Variants in ARHGEF39 observed in about 807,000 individuals in gnomAD.
The protein encoded by ARHGEF39 is Rho guanine nucleotide exchange factor 39.
In ARHGEF39, 45 loss-of-function variants were observed where a neutral mutation model predicts 47.5. The observed-to-expected ratio is 0.95, with a 90% CI of 0.75 to 1.22. ARHGEF39 has a LOEUF of 1.22. Among genes scored for constraint, ARHGEF39 ranks in the 50% most tolerant of loss-of-function variants. The probability of loss-of-function intolerance (pLI) is 0.00; values close to 1 mark genes in which losing one functional copy is unlikely to be tolerated. For synonymous variants in ARHGEF39, 164 were observed against 167.8 expected (o/e 0.98, Z 0.17); for missense variants, 411 against 425.3 (o/e 0.97, Z 0.30).
chr9:35,665,066 C>T lies in ARHGEF39; in HGVS notation c.104G>A (p.Arg35Gln). The T allele has an allele frequency of 1.3e-6, 2 of 1,563,424 alleles. No homozygotes were observed. The highest frequency in any genetic ancestry group is 2.3e-5 in the South Asian group (2 of 85,562). ...CTARELLETERRYQEQLGLVA... is the reference protein window; with the variant it reads ...CTARELLETEQRYQEQLGLVA... ...CAGCCCCAGCTGTTCTTGGTAGCGC[C>T]GCTCGGTCTCTAGCAGCTCCCGGGC... The change falls in exon 1 of 9, where the codon CGG (arginine) becomes CAG (glutamine). Residue 35 changes from arginine (R) to glutamine (Q), a missense_variant. Arg to Gln is a conservative substitution (Grantham distance 43, BLOSUM62 1). Transcript: ENST00000378387.
At position 35,662,257 on chromosome 9, in the gene ARHGEF39, G is replaced by T; in HGVS notation, c.914C>A (p.Pro305His). ...PCGGLLSLSF[P>H]HEKLLLMSTD... ...GGACATAAGCAGTAGCTTCTCATGAGGGAAGGACAGCTAGAGAGAGACCAC... is the reference window on the plus strand; with the variant it reads ...GGACATAAGCAGTAGCTTCTCATGATGGAAGGACAGCTAGAGAGAGACCAC... Residue 305 changes from proline to histidine, a missense_variant, in exon 8 of 9, where the codon CCT (proline) becomes CAT (histidine). Coordinates refer to ENST00000378387, the MANE Select transcript of ARHGEF39 (RefSeq NM_032818.3). The T allele has an allele frequency of 6.2e-7, 1 of 1,613,954 alleles. No individual in the cohort carries two copies. The highest frequency in any genetic ancestry group is 8.5e-7 in the Non-Finnish European group (1 of 1,179,828).
In ARHGEF39 at chr9:35,661,868, A is replaced by G. The variant is rs1563914570; in HGVS notation, c.*119T>C. ...GGAGTAGCTTGGTCCAGGCAAACAGAAAGTGACCTTTGTCAAATCATGAAG... is the reference window on the plus strand; with the variant it reads ...GGAGTAGCTTGGTCCAGGCAAACAGGAAGTGACCTTTGTCAAATCATGAAG... On this transcript the variant is annotated 3_prime_UTR_variant, in exon 9 of 9. Transcript: ENST00000378387. 4.7e-6 allele frequency: 6 copies of G among 1,289,408 alleles called. No individual in the cohort carries two copies. Among genetic ancestry groups the G allele is most frequent in the Non-Finnish European group, 6.5e-6 (6 of 927,186 alleles). 79.9% of individuals were successfully genotyped at this position (1,289,408 alleles called of 1,614,324 possible).
chr9:35,665,050 C>A lies in ARHGEF39; in HGVS notation c.120G>T (p.Gln40His). The A allele has an allele frequency of 6.4e-7, 1 of 1,565,038 alleles. No homozygotes were observed. The highest frequency in any genetic ancestry group is 8.6e-7 in the Non-Finnish European group (1 of 1,156,504). ...CCCCCACCGTGGCCACCAGCCCCAGCTGTTCTTGGTAGCGCCGCTCGGTCT... is the reference window on the plus strand; with the variant it reads ...CCCCCACCGTGGCCACCAGCCCCAGATGTTCTTGGTAGCGCCGCTCGGTCT... ...LLETERRYQE[Q>H]LGLVATYFLG... The change falls in exon 1 of 9, where the codon CAG becomes CAT. Residue 40 changes from glutamine (Q) to histidine (H), a missense_variant. Gln to His is a conservative substitution (Grantham distance 24, BLOSUM62 0). Transcript: ENST00000378387.
intron 4 of ARHGEF39, 61 bp downstream of exon 4, chr9:35,663,947 C>T: frequency 6.5e-7 from 1 of 1,535,704 alleles, no homozygotes; most frequent in South Asian, 1.1e-5. Flanking sequence ...TCCCACAAAG[C>T]TGAGGGCAGC....
At position 35,662,724 on chromosome 9, in the gene ARHGEF39, G is replaced by A; in HGVS notation, c.691C>T (p.Gln231Ter). The A allele has an allele frequency of 1.3e-6, 2 of 1,563,896 alleles. No individual in the cohort carries two copies. Among genetic ancestry groups the A allele is most frequent in the Non-Finnish European group, 8.7e-7 (1 of 1,154,176 alleles). ...GGAGGCACCACTAACAGCCAGCCCT[G>A]GCGTAGGAACCAGCGCCCTGGGGGA... ...GLTSGRWFLR[Q>*]GWLLVVPPHG... The change falls in exon 7 of 9, where the codon CAG becomes TAG. Residue 231 changes from glutamine to a stop codon, truncating the protein, a stop_gained. Transcript: ENST00000378387. LOFTEE classifies it high-confidence loss of function.
chr9:35,665,001 C>A, intron 1 of ARHGEF39, 31 bp downstream of exon 1: 2 of 1,532,464 alleles, frequency 1.3e-6, no homozygotes, highest in Non-Finnish European at 8.8e-7. Context: ...GGTCCCTGTC[C>A]TATAATGGGA....
In ARHGEF39 at chr9:35,659,741, T is replaced by G. The variant is rs1217384319; in HGVS notation, c.*2246A>C. 6.6e-6 allele frequency: 1 copy of G among 152,260 alleles called. No homozygotes were observed. The highest frequency in any genetic ancestry group is 1.5e-5 in the Non-Finnish European group (1 of 68,048). 9.4% of individuals were successfully genotyped at this position (152,260 alleles called of 1,614,324 possible). A position where few individuals can be genotyped will look rare whatever the true frequency, so the allele number is the denominator to read the frequency against. On this transcript the variant is annotated 3_prime_UTR_variant, in exon 9 of 9. Coordinates refer to ENST00000378387, the MANE Select transcript of ARHGEF39 (RefSeq NM_032818.3). ...CATTGCCTTCAAATTCCTGAGGGGCTGTCACCTTGAGGAGACATTATTTTG... is the reference window on the plus strand; with the variant it reads ...CATTGCCTTCAAATTCCTGAGGGGCGGTCACCTTGAGGAGACATTATTTTG...
Position 35,662,516 on chromosome 9 carries a change from A to C in ARHGEF39, c.899T>G (p.Leu300Arg), listed in dbSNP as rs542904593. The C allele has an allele frequency of 6.8e-6, 11 of 1,612,950 alleles. No homozygotes were observed. In the South Asian group the frequency reaches 7.7e-5, roughly 11 times the overall value. The change falls in exon 7 of 9, where the codon CTC (leucine) becomes CGC (arginine). Residue 300 changes from leucine (L) to arginine (R), a missense_variant. Leu to Arg is a moderately radical substitution (Grantham distance 102). Transcript: ENST00000378387. ...GGGTTCCCACCTATTACTTACACTG[A>C]GCAACCCACCACAAGGGCCTCCTGA... ...GHSGGPCGGL[L>R]SLSFPHEKLL...
chr9:35,660,871 G>A lies in ARHGEF39; in HGVS notation c.*1116C>T, dbSNP rs1428750330. 1.2e-6 allele frequency: 2 copies of A among 1,614,190 alleles called. No homozygotes were observed. The highest frequency in any genetic ancestry group is 1.7e-4 in the Middle Eastern group (1 of 6,060). ...GCTTCAGAACCAGGTGAAGGCTCGG[G>A]AGGCGAGTCTGCTGGAGGTGGAGAC... On this transcript the variant is annotated 3_prime_UTR_variant, in exon 9 of 9. Coordinates refer to ENST00000378387, the MANE Select transcript of ARHGEF39 (RefSeq NM_032818.3).
At position 35,664,388 on chromosome 9, in the gene ARHGEF39, G is replaced by T. The variant is rs768236441; in HGVS notation, c.338C>A (p.Ser113Tyr). 3.2e-5 allele frequency: 51 copies of T among 1,611,636 alleles called. No individual in the cohort carries two copies. The highest frequency in any genetic ancestry group is 4.2e-5 in the Non-Finnish European group (49 of 1,178,872). Residue 113 changes from serine (S) to tyrosine (Y), a missense_variant, in exon 3 of 9, where the codon TCC becomes TAC. Coordinates refer to ENST00000378387, the MANE Select transcript of ARHGEF39 (RefSeq NM_032818.3). ...CCAGGTTACCTGCAGGGTGGTCTGG[G>T]ACCTCTCTGAGTTGGCAGCAAATTG... The part of the protein sequence containing the change: ...YNQFAANSER[S>Y]QTTLQEQLKK...
At chr9:35,662,054 A>G in intron 8 of ARHGEF39, 52 bp from the exon 9 acceptor site, 1 of 1,612,054 alleles carries the variant, frequency 6.2e-7, no homozygotes, top group African/African-American at 1.3e-5. Context: ...CTTTATTCAG[A>G]CAAAATCATC....
chr9:35,663,855 G>C (rs796203958), intron 4 of ARHGEF39, among the ~76,000 whole-genome samples, 153 bp downstream of exon 4: 4 of 152,262 alleles, frequency 2.6e-5, no homozygotes, highest in African/African-American at 9.6e-5. Context: ...ACTCCAATGG[G>C]TTCACATTTA....
chr9:35,660,376 C>A lies in ARHGEF39; in HGVS notation c.*1611G>T. On this transcript the variant is annotated 3_prime_UTR_variant, in exon 9 of 9. Transcript: ENST00000378387. ...GGAGCAGAACCTTGTTGCTTCAGTACTGCCCTTTCCTTCTTCCACAACAGG... is the reference window on the plus strand; with the variant it reads ...GGAGCAGAACCTTGTTGCTTCAGTAATGCCCTTTCCTTCTTCCACAACAGG... 2.5e-6 allele frequency: 4 copies of A among 1,570,030 alleles called. No individual in the cohort carries two copies. The highest frequency in any genetic ancestry group is 3.5e-6 in the Non-Finnish European group (4 of 1,158,880).
intron 5 of ARHGEF39, 95 bp downstream of exon 5, chr9:35,663,227 G>T: frequency 6.4e-7 from 1 of 1,557,212 alleles, no homozygotes; most frequent in Non-Finnish European, 8.9e-7. Flanking sequence ...GTCAGTGGAA[G>T]ATAGGGTCAT....
rs1823962069 is a variant in ARHGEF39 at position 35,661,744 on chromosome 9, G to A, written c.*243C>T. On this transcript the variant is annotated 3_prime_UTR_variant, in exon 9 of 9. Coordinates refer to ENST00000378387, the MANE Select transcript of ARHGEF39 (RefSeq NM_032818.3). Reference sequence around the variant, plus strand: ...GCCCAGGCTGGTCTTGAACTCCTGGGCTGGAATGATCCTGCCACCTCTGCT... The same window carrying A: ...GCCCAGGCTGGTCTTGAACTCCTGGACTGGAATGATCCTGCCACCTCTGCT... 2.0e-6 allele frequency: 1 copy of A among 492,340 alleles called. No homozygotes were observed. The highest frequency in any genetic ancestry group is 4.4e-5 in the South Asian group (1 of 22,836). The allele number at this position is 492,340 out of a possible 1,614,324, so 30.5% of individuals were successfully genotyped here.
Position 35,662,756 on chromosome 9 carries a change from C to A in ARHGEF39, c.674-15G>T. 6.5e-7 allele frequency: 1 copy of A among 1,546,316 alleles called. No individual in the cohort carries two copies. Among genetic ancestry groups the A allele is most frequent in the Non-Finnish European group, 8.7e-7 (1 of 1,144,642 alleles). On this transcript the variant is annotated splice_polypyrimidine_tract_variant and intron_variant, in intron 6 of 8. Coordinates refer to ENST00000378387, the MANE Select transcript of ARHGEF39 (RefSeq NM_032818.3). Reference sequence around the variant, plus strand: ...GAACCAGCGCCCTGGGGGATGGGAGCGCTGTTATTCTGGTGCAGCTTCAAG... The same window carrying A: ...GAACCAGCGCCCTGGGGGATGGGAGAGCTGTTATTCTGGTGCAGCTTCAAG...
rs774600251 is a variant in ARHGEF39 at position 35,661,198 on chromosome 9, C to T, written c.*789G>A. 13 of 1,573,930 alleles carry T rather than the reference C, an allele frequency of 8.3e-6. No individual in the cohort carries two copies. The highest frequency in any genetic ancestry group is 1.7e-4 in the Middle Eastern group (1 of 5,872). On this transcript the variant is annotated 3_prime_UTR_variant, in exon 9 of 9. Coordinates refer to ENST00000378387, the MANE Select transcript of ARHGEF39 (RefSeq NM_032818.3). ...AGTCTGTTTTCATGATGGAGTGCTC[C>T]TGTGTGTTTTTTCGATCCTAGTTGG...
At chr9:35,662,047 T>C in intron 8 of ARHGEF39, 45 bp from the exon 9 acceptor site, 5 of 1,612,678 alleles carry the variant, frequency 3.1e-6, no homozygotes, top group Non-Finnish European at 4.2e-6. Context: ...ATGAGTGCTT[T>C]ATTCAGACAA....
chr9:35,664,745 C>A lies in ARHGEF39; in HGVS notation c.233+11G>T. On this transcript the variant is annotated intron_variant, in intron 2 of 8. Transcript: ENST00000378387. ...TCCCTCCTTTCCTCTCCCTGTGCCCCTTCCACTCACTGGCTGGCGCCGTAG... is the reference window on the plus strand; with the variant it reads ...TCCCTCCTTTCCTCTCCCTGTGCCCATTCCACTCACTGGCTGGCGCCGTAG... The A allele has an allele frequency of 6.2e-7, 1 of 1,609,918 alleles. No homozygotes were observed. The highest frequency in any genetic ancestry group is 8.5e-7 in the Non-Finnish European group (1 of 1,178,518).
Sources: gnomAD v4.1 joint callset for allele counts (sites outside exome capture counted in the v4.1 genomes callset) on GRCh38, gnomAD v4.1.1 for gene constraint, MANE v1.5 for transcripts, NCBI Gene and HGNC (gene_info 2026-07-23, HGNC 2026-07-21) for gene names.